Variants in LPXN observed in about 807,000 individuals in gnomAD.
The protein encoded by LPXN is leupaxin.
In LPXN, 28 loss-of-function variants were observed where a neutral mutation model predicts 45.6. The observed-to-expected ratio is 0.61, with a 90% CI of 0.45 to 0.84. LPXN has a LOEUF of 0.84. Among genes scored for constraint, LPXN ranks in the 40% least tolerant of loss-of-function variants. The pLI is 0.00. For synonymous variants in LPXN, 166 were observed against 169.9 expected (o/e 0.98, Z 0.18); for missense variants, 459 against 475.0 (o/e 0.97, Z 0.31).
chr11:58,530,164 T>C (rs563416029), intron 7 of LPXN, among the ~76,000 whole-genome samples: 100 of 152,274 alleles, frequency 6.6e-4, no homozygotes, highest in Non-Finnish European at 1.1e-3. Flanking sequence ...TTGTTTTTCA[T>C]AACCTAGATG....
intron 7 of LPXN, among the ~76,000 whole-genome samples, chr11:58,535,598 G>A (rs1443317470): frequency 1.3e-5 from 2 of 152,166 alleles, no homozygotes; most frequent in African/African-American, 4.8e-5. Context: ...CATTCCCTTT[G>A]AAAACTGGCA....
intron 1 of LPXN, among the ~76,000 whole-genome samples, chr11:58,573,287 G>T (rs753982591): frequency 8.6e-5 from 13 of 150,526 alleles, no homozygotes; most frequent in Non-Finnish European, 1.8e-4. Context: ...AAAAAGAAAA[G>T]AAAACTAAGG....
intron 7 of LPXN, among the ~76,000 whole-genome samples, chr11:58,543,255 T>C (rs1363030579): frequency 3.3e-5 from 5 of 152,190 alleles, no homozygotes; most frequent in African/African-American, 1.2e-4. Context: ...GACACATATA[T>C]AGTAGTTGCT....
At chr11:58,533,763 G>A (rs1853466392) in intron 7 of LPXN, among the ~76,000 whole-genome samples, 2 of 152,040 alleles carry the variant, frequency 1.3e-5, no homozygotes, top group Non-Finnish European at 2.9e-5. Context: ...TTGGTGTGCT[G>A]TATTCAGGAG....
chr11:58,528,426 A>G (rs1449402211), intron 7 of LPXN, among the ~76,000 whole-genome samples: 1 of 152,240 alleles, frequency 6.6e-6, no homozygotes, highest in Non-Finnish European at 1.5e-5. Context: ...ATTGCTCCTC[A>G]GTGCCTTTGT....
At chr11:58,572,614 TATTA>T (rs1375549095) in intron 1 of LPXN, among the ~76,000 whole-genome samples, 16 of 152,186 alleles carry the variant, frequency 1.1e-4, no homozygotes, top group African/African-American at 3.9e-4. Context: ...TATTTAATAA[TATTA>T]ATTAATTCTG....
rs1387135779 is a variant in LPXN, at chr11:58,551,142, G to C, written c.409C>G (p.Gln137Glu). Residue 137 changes from glutamine to glutamate, a missense_variant, in exon 5 of 9, where the codon CAG becomes GAG. Gln to Glu is a conservative substitution (Grantham distance 29). Coordinates refer to ENST00000395074, the MANE Select transcript of LPXN (RefSeq NM_004811.3). ...GCAATGCCAAGGTCCTGCAATTCCTGCTCCAGACCCCCAAGCATTGAGTCC... is the reference window on the plus strand; with the variant it reads ...GCAATGCCAAGGTCCTGCAATTCCTCCTCCAGACCCCCAAGCATTGAGTCC... Reference protein sequence around the residue: ...SLDSMLGGLEQELQDLGIATV... With the variant: ...SLDSMLGGLEEELQDLGIATV... 2 of 1,611,258 alleles carry C rather than the reference G, an allele frequency of 1.2e-6. No individual in the cohort carries two copies. Among genetic ancestry groups the C allele is most frequent in the East Asian group, 2.2e-5 (1 of 44,458 alleles).
At position 58,549,792 on chromosome 11, in the gene LPXN, C is replaced by T. The variant is rs747108826; in HGVS notation, c.736G>A (p.Ala246Thr). The change falls in exon 7 of 9, where the codon GCA (alanine) becomes ACA (threonine). Residue 246 changes from alanine to threonine, a missense_variant. By Grantham distance (58) the Ala-to-Thr change is moderately conservative. Transcript: ENST00000395074. ...FCSHCGEVFG[A>T]EGFHEKDKKP... is the part of the protein sequence containing the mutation. The stretch of plus-strand genomic sequence containing the variant: ...CTCTCAAGTCGGGTCATACCTTCTG[C>T]ACCAAACACCTCTCCGCAGTGAGAG... 2.2e-5 allele frequency: 35 copies of T among 1,613,956 alleles called. 1 individual carries two copies. The highest frequency in any genetic ancestry group is 2.4e-5 in the Non-Finnish European group (28 of 1,179,986).
intron 5 of LPXN, 99 bp from the exon 6 acceptor site, chr11:58,550,245 T>C (rs980205014): frequency 1.8e-6 from 2 of 1,098,988 alleles, no homozygotes; most frequent in South Asian, 1.3e-5. Flanking sequence ...TTGTACCCCT[T>C]GTAGACAACA....
chr11:58,537,999 AC>A (rs1236019725), intron 7 of LPXN, among the ~76,000 whole-genome samples: 1 of 134,972 alleles, frequency 7.4e-6, no homozygotes, highest in Non-Finnish European at 1.5e-5. Flanking sequence ...TTCAATTCCC[AC>A]CTATGAGTGA....
rs1285683374 is a variant in LPXN, at chr11:58,551,102, C to A, written c.449G>T (p.Gly150Val). 1 of 1,602,338 alleles carries A rather than the reference C, an allele frequency of 6.2e-7. No homozygotes were observed. Reference sequence around the variant, plus strand: ...CGGTTTCTGGCAGGATGCACAATGGCCCTTGGGCACTGTGGCAATGCCAAG... The same window carrying A: ...CGGTTTCTGGCAGGATGCACAATGGACCTTGGGCACTGTGGCAATGCCAAG... ...QDLGIATVPK[G>V]HCASCQKPIA... Residue 150 changes from glycine to valine, a missense_variant, in exon 5 of 9, where the codon GGC (glycine) becomes GTC (valine). Gly to Val is a moderately radical substitution (Grantham distance 109, BLOSUM62 -3). Coordinates refer to ENST00000395074, the MANE Select transcript of LPXN (RefSeq NM_004811.3).
upstream of LPXN, among the ~76,000 whole-genome samples, chr11:58,576,353 T>C (rs1042627113): frequency 6.6e-6 from 1 of 152,184 alleles, no homozygotes; most frequent in Middle Eastern, 3.2e-3. Context: ...AGTGGATTCA[T>C]GCTTGGATTC....
intron 1 of LPXN, among the ~76,000 whole-genome samples, chr11:58,572,797 T>C (rs915579337): frequency 2.6e-5 from 4 of 152,166 alleles, no homozygotes; most frequent in Non-Finnish European, 5.9e-5. Context: ...TTAACATAAT[T>C]ACAGGGGTGA....
At chr11:58,565,772 C>T (rs1222830572) in intron 2 of LPXN, among the ~76,000 whole-genome samples, 2 of 152,076 alleles carry the variant, frequency 1.3e-5, no homozygotes, top group Non-Finnish European at 2.9e-5. Context: ...CATTTGAGGT[C>T]AGGAGAATTT....
chr11:58,577,098 G>A (rs1854914651), upstream of LPXN, among the ~76,000 whole-genome samples: 1 of 151,668 alleles, frequency 6.6e-6, no homozygotes, highest in South Asian at 2.1e-4. Context: ...AGCCCACAGT[G>A]GCTTTTTTTT....
At chr11:58,551,774 G>A (rs993386614) in intron 4 of LPXN, among the ~76,000 whole-genome samples, 6 of 152,158 alleles carry the variant, frequency 3.9e-5, no homozygotes, top group Non-Finnish European at 5.9e-5. Flanking sequence ...ACAGCAAGAT[G>A]GTAAGAAGAA....
chr11:58,527,527 G>A lies in LPXN; in HGVS notation c.1088C>T (p.Ser363Leu), dbSNP rs149511007. Residue 363 changes from serine to leucine, a missense_variant, in exon 9 of 9, where the codon TCG becomes TTG. Coordinates refer to ENST00000395074, the MANE Select transcript of LPXN (RefSeq NM_004811.3). ...FVCAFCLTQL[S>L]KGIFREQNDK... ...ATTCTGCTCCCTGAAAATGCCCTTC[G>A]ACAACTGTGTCAGGCAGAAAGCACA... 9.3e-6 allele frequency: 15 copies of A among 1,614,004 alleles called. No individual in the cohort carries two copies. The highest frequency in any genetic ancestry group is 3.3e-5 in the South Asian group (3 of 91,066).
chr11:58,578,288 A>G, upstream of LPXN: 1 of 417,702 alleles, frequency 2.4e-6, no homozygotes, highest in East Asian at 5.0e-5. Flanking sequence ...TAGACTGCGG[A>G]AAGTAAACTA....
intron 2 of LPXN, among the ~76,000 whole-genome samples, chr11:58,566,219 T>C (rs1382368905): frequency 2.6e-5 from 4 of 152,230 alleles, no homozygotes; most frequent in African/African-American, 9.6e-5. Flanking sequence ...GGTTAATATA[T>C]TTGAAATTAT....
Sources: allele counts gnomAD v4.1 joint callset (sites outside exome capture counted in the v4.1 genomes callset), GRCh38; gene constraint gnomAD v4.1.1; transcripts MANE v1.5; gene names NCBI Gene and HGNC (gene_info 2026-07-23, HGNC 2026-07-21).